The following SLCO2A1 variants were observed in gnomAD, a reference collection of about 807,000 sequenced individuals.
SLCO2A1 encodes the protein matrin F/G 1.
SLCO2A1 carries 60 observed loss-of-function variants against 71.7 expected under a neutral mutation model. The observed-to-expected ratio is 0.84, with a 90% confidence interval of 0.68 to 1.04. The LOEUF (loss-of-function observed/expected upper bound fraction) is 1.04, where lower values mean the gene tolerates loss of function less well. SLCO2A1 is among the 50% of genes least tolerant of loss of function. The probability of loss-of-function intolerance (pLI) is 0.00; values close to 1 mark genes in which losing one functional copy is unlikely to be tolerated. For missense variants in SLCO2A1, 745 were observed against 813.4 expected, an observed-to-expected ratio of 0.92 and a Z score of 1.02; for synonymous variants, 308 against 326.7, an observed-to-expected ratio of 0.94 and a Z score of 0.62.
In SLCO2A1 at chr3:133,952,896, ACAGT is replaced by A. The variant is rs572003091; in HGVS notation, c.724+763_724+766del. ...CAGGCAGTCCCGTCCCAGCGCCCAC[ACAGT>A]CAAACACCATGTTATACCCTCTGGA... On this transcript the variant is annotated intron_variant, in intron 5 of 13. Transcript: ENST00000310926. 2.7e-3 allele frequency among the ~76,000 whole-genome samples: 405 copies of A among 152,270 alleles called. 4 individuals carry two copies. The highest frequency in any genetic ancestry group is 9.3e-3 in the African/African-American group (386 of 41,550).
At chr3:133,947,223 A>G in intron 9 of SLCO2A1, 33 bp downstream of exon 9, 4 of 1,577,058 alleles carry the variant, frequency 2.5e-6, no homozygotes, top group Non-Finnish European at 3.5e-6. Context: ...TGGCCTTATT[A>G]AAGGGGATCT....
intron 1 of SLCO2A1, among the ~76,000 whole-genome samples, chr3:134,017,796 C>A (rs1452632407): frequency 2.6e-5 from 4 of 152,094 alleles, no homozygotes; most frequent in African/African-American, 9.7e-5. Context: ...GCCAGGGGAC[C>A]CCCTCCATTC....
intron 3 of SLCO2A1, among the ~76,000 whole-genome samples, chr3:133,962,713 A>G (rs890846869): frequency 6.6e-6 from 1 of 152,222 alleles, no homozygotes; most frequent in African/African-American, 2.4e-5. Context: ...CAAGCACTCT[A>G]GTAAAGGCTG....
At chr3:134,029,532 AC>A (rs1426698756) in intron 1 of SLCO2A1, among the ~76,000 whole-genome samples, 174 bp downstream of exon 1, 1 of 150,784 alleles carries the variant, frequency 6.6e-6, no homozygotes, top group Non-Finnish European at 1.5e-5. Context: ...ACGCTCACAC[AC>A]ACACTCGCAC....
intron 3 of SLCO2A1, among the ~76,000 whole-genome samples, chr3:133,968,153 C>T (rs765915156): frequency 5.4e-5 from 8 of 148,716 alleles, no homozygotes; most frequent in Non-Finnish European, 1.2e-4. Flanking sequence ...TGCCTCCTAC[C>T]CAAGTCCTTC....
chr3:133,961,593 A>C (rs767854060), intron 3 of SLCO2A1, among the ~76,000 whole-genome samples: 4 of 152,228 alleles, frequency 2.6e-5, no homozygotes, highest in Non-Finnish European at 4.4e-5. Flanking sequence ...CATCTCATGC[A>C]GTGTTCAGGA....
chr3:133,954,321 C>A (rs1405751399), intron 4 of SLCO2A1, among the ~76,000 whole-genome samples: 1 of 149,886 alleles, frequency 6.7e-6, no homozygotes, highest in Non-Finnish European at 1.5e-5. Context: ...CGCCACCATG[C>A]CCAGCTAATT....
intron 1 of SLCO2A1, among the ~76,000 whole-genome samples, chr3:134,016,312 T>A (rs912138273): frequency 6.6e-6 from 1 of 151,042 alleles, no homozygotes; most frequent in Non-Finnish European, 1.5e-5. Context: ...CTAACATATA[T>A]AAAGAACTCT....
intron 1 of SLCO2A1, among the ~76,000 whole-genome samples, chr3:133,999,317 C>T (rs571145506): frequency 6.6e-6 from 1 of 152,202 alleles, no homozygotes; most frequent in Non-Finnish European, 1.5e-5. Context: ...TTACAATTCC[C>T]CTGGCCTGCC....
intron 1 of SLCO2A1, among the ~76,000 whole-genome samples, chr3:133,989,354 C>A: frequency 6.6e-6 from 1 of 152,126 alleles, no homozygotes; most frequent in East Asian, 1.9e-4. Context: ...TTGTTCAGTT[C>A]TTTGTTCAAA....
At chr3:133,978,029 G>C (rs569623283) in intron 2 of SLCO2A1, among the ~76,000 whole-genome samples, 6 of 152,294 alleles carry the variant, frequency 3.9e-5, no homozygotes, top group Admixed American at 3.9e-4. Flanking sequence ...AGAGGAGGAG[G>C]TCTCAGGCCA....
chr3:133,956,769 A>G (rs1052012510), intron 3 of SLCO2A1, among the ~76,000 whole-genome samples: 1 of 152,226 alleles, frequency 6.6e-6, no homozygotes, highest in Non-Finnish European at 1.5e-5. Context: ...GCTTGTTAGA[A>G]TAAAAAAATA....
intron 2 of SLCO2A1, among the ~76,000 whole-genome samples, chr3:133,974,683 C>A (rs1252802559): frequency 6.6e-6 from 1 of 152,220 alleles, no homozygotes; most frequent in Non-Finnish European, 1.5e-5. Flanking sequence ...GGGAAGGGAA[C>A]TGAAGGCTCC....
chr3:133,993,000 C>A (rs532968492), intron 1 of SLCO2A1, among the ~76,000 whole-genome samples: 1 of 152,216 alleles, frequency 6.6e-6, no homozygotes, highest in African/African-American at 2.4e-5. Context: ...ACACTTAAGC[C>A]GTCCACAGAT....
intron 1 of SLCO2A1, among the ~76,000 whole-genome samples, chr3:134,024,587 A>G (rs1935659538): frequency 6.6e-6 from 1 of 152,232 alleles, no homozygotes; most frequent in Non-Finnish European, 1.5e-5. Context: ...GGCTCTGGCC[A>G]AGGCCAGTGG....
At chr3:133,954,754 C>T (rs1168414115) in intron 4 of SLCO2A1, among the ~76,000 whole-genome samples, 1 of 152,136 alleles carries the variant, frequency 6.6e-6, no homozygotes, top group East Asian at 1.9e-4. Flanking sequence ...AAACCTGGGG[C>T]CCTGGGGTTC....
intron 1 of SLCO2A1, among the ~76,000 whole-genome samples, chr3:134,017,828 T>C (rs559319258): frequency 6.6e-6 from 1 of 152,130 alleles, no homozygotes; most frequent in South Asian, 2.1e-4. Flanking sequence ...CCCTGGTCTA[T>C]TACACAAGCA....
intron 5 of SLCO2A1, among the ~76,000 whole-genome samples, chr3:133,951,568 C>T (rs1040847213): frequency 5.9e-5 from 9 of 152,176 alleles, no homozygotes; most frequent in Admixed American, 2.0e-4. Flanking sequence ...AGAAAATCCC[C>T]GGGCAGGAGG....
intron 3 of SLCO2A1, among the ~76,000 whole-genome samples, chr3:133,960,121 A>AAAATAAATAAATAAAT (rs59630146): frequency 1.3e-5 from 2 of 149,204 alleles, no homozygotes; most frequent in South Asian, 2.1e-4. Context: ...CTCCGTCTCA[A>AAAATAAATAAATAAAT]AAATAAATAA....
Sources: gnomAD v4.1 joint callset for allele counts (sites outside exome capture counted in the v4.1 genomes callset) on GRCh38, gnomAD v4.1.1 for gene constraint, MANE v1.5 for transcripts, NCBI Gene and HGNC (gene_info 2026-07-23, HGNC 2026-07-21) for gene names.